Variants in MALRD1 observed in about 807,000 individuals in gnomAD.
The protein encoded by MALRD1 is MAM and LDL-receptor class A domain-containing protein 1.
MALRD1 carries 247 observed loss-of-function variants against 242.1 expected under a neutral mutation model. That is an observed-to-expected ratio of 1.02 (90% CI 0.92 to 1.13). The LOEUF (loss-of-function observed/expected upper bound fraction) is 1.13, where lower values mean the gene tolerates loss of function less well. Among genes scored for constraint, MALRD1 ranks in the 50% most tolerant of loss-of-function variants. MALRD1 has a pLI of 0.00. For synonymous variants in MALRD1, 995 were observed against 866.6 expected (o/e 1.15, Z -2.60); for missense variants, 2,989 against 2,533.1 (o/e 1.18, Z -3.86).
At chr10:19,343,006 CAA>C (rs1179260519) in intron 24 of MALRD1, among the ~76,000 whole-genome samples, 2 of 152,040 alleles carry the variant, frequency 1.3e-5, no homozygotes, top group Non-Finnish European at 2.9e-5. Context: ...TATGAATTTT[CAA>C]AAGGTTGATG....
chr10:19,445,483 A>G (rs1215617468), intron 28 of MALRD1, among the ~76,000 whole-genome samples: 4 of 152,056 alleles, frequency 2.6e-5, no homozygotes, highest in Non-Finnish European at 5.9e-5. Flanking sequence ...TGACATACAG[A>G]TGGGGTTTTG....
intron 29 of MALRD1, among the ~76,000 whole-genome samples, chr10:19,487,288 A>G (rs1474834507): frequency 1.3e-5 from 2 of 152,078 alleles, no homozygotes; most frequent in Non-Finnish European, 2.9e-5. Context: ...CATGCAAAAC[A>G]GTCTTTCATT....
At chr10:19,667,369 T>G (rs757485567) in intron 36 of MALRD1, among the ~76,000 whole-genome samples, 5 of 152,108 alleles carry the variant, frequency 3.3e-5, no homozygotes, top group Non-Finnish European at 5.9e-5. Context: ...ACTGTTCCAG[T>G]GTTTTAGTCC....
chr10:19,097,549 T>C (rs1474578428), intron 4 of MALRD1, among the ~76,000 whole-genome samples: 1 of 152,186 alleles, frequency 6.6e-6, no homozygotes, highest in East Asian at 1.9e-4. Context: ...TAAAACGAAC[T>C]AAACATACAG....
chr10:19,677,919 T>C (rs1411108879), intron 36 of MALRD1, among the ~76,000 whole-genome samples: 1 of 152,198 alleles, frequency 6.6e-6, no homozygotes. Context: ...ATTTATTAAA[T>C]AGGGAATCCT....
chr10:19,531,683 G>A (rs1237795351), intron 32 of MALRD1, among the ~76,000 whole-genome samples: 1 of 152,176 alleles, frequency 6.6e-6, no homozygotes, highest in Non-Finnish European at 1.5e-5. Context: ...AATGTGATGT[G>A]ATGCATAATG....
intron 4 of MALRD1, among the ~76,000 whole-genome samples, chr10:19,102,071 CA>C (rs1203531342): frequency 2.3e-5 from 2 of 88,192 alleles, no homozygotes; most frequent in South Asian, 3.6e-4. Context: ...ATAATTATAA[CA>C]TATATATGGT....
chr10:19,341,962 T>C (rs1387916638), intron 24 of MALRD1, among the ~76,000 whole-genome samples: 2 of 152,066 alleles, frequency 1.3e-5, no homozygotes, highest in Non-Finnish European at 2.9e-5. Flanking sequence ...TGTTCACATC[T>C]TGACTGCCCT....
intron 24 of MALRD1, among the ~76,000 whole-genome samples, chr10:19,340,409 G>A (rs1185532939): frequency 6.6e-6 from 1 of 151,424 alleles, no homozygotes; most frequent in Non-Finnish European, 1.5e-5. Flanking sequence ...GAGCTTAGCA[G>A]GGCTTACTTG....
chr10:19,338,431 C>G (rs896231796), intron 24 of MALRD1, among the ~76,000 whole-genome samples: 1 of 147,280 alleles, frequency 6.8e-6, no homozygotes, highest in Non-Finnish European at 1.5e-5. Context: ...AACATGTAGC[C>G]TTTTCAAATT....
At chr10:19,486,137 C>T (rs2131196122) in intron 29 of MALRD1, among the ~76,000 whole-genome samples, 1 of 152,164 alleles carries the variant, frequency 6.6e-6, no homozygotes, top group East Asian at 1.9e-4. Flanking sequence ...TATTTAAACT[C>T]TTACTATAAT....
At chr10:19,489,961 T>A (rs568555019) in intron 29 of MALRD1, among the ~76,000 whole-genome samples, 1 of 152,340 alleles carries the variant, frequency 6.6e-6, no homozygotes, top group East Asian at 1.9e-4. Flanking sequence ...ATATGTAGCA[T>A]ACATGCTATT....
chr10:19,447,918 G>C, intron 28 of MALRD1, among the ~76,000 whole-genome samples: 1 of 152,140 alleles, frequency 6.6e-6, no homozygotes, highest in East Asian at 1.9e-4. Context: ...GAAGTTACAT[G>C]AATCTGTGGG....
At chr10:19,087,589 A>G (rs762097860) in intron 2 of MALRD1, among the ~76,000 whole-genome samples, 6 of 150,960 alleles carry the variant, frequency 4.0e-5, no homozygotes, top group Admixed American at 2.6e-4. Flanking sequence ...GTAGATGTGT[A>G]TATCTATGGG....
chr10:19,114,496 G>A (rs1186128133), intron 5 of MALRD1, among the ~76,000 whole-genome samples: 1 of 152,108 alleles, frequency 6.6e-6, no homozygotes, highest in Non-Finnish European at 1.5e-5. Context: ...AATTAGCTGG[G>A]CATGATGGCG....
chr10:19,057,150 CA>C (rs1834693214), intron 1 of MALRD1, among the ~76,000 whole-genome samples: 1 of 152,174 alleles, frequency 6.6e-6, no homozygotes, highest in Non-Finnish European at 1.5e-5. Flanking sequence ...TAAGTGCCCC[CA>C]TCTGGCTTTA....
At chr10:19,203,665 G>C in intron 14 of MALRD1, 63 bp from the exon 15 acceptor site, 1 of 1,437,526 alleles carries the variant, frequency 7.0e-7, no homozygotes, top group South Asian at 1.5e-5. Context: ...TTTGAGCTCT[G>C]CCTTTTCAAA....
At chr10:19,227,919 C>T (rs1837870662) in intron 18 of MALRD1, among the ~76,000 whole-genome samples, 1 of 152,118 alleles carries the variant, frequency 6.6e-6, no homozygotes, top group Non-Finnish European at 1.5e-5. Flanking sequence ...ATTGAGATAC[C>T]ACTGTACACC....
At chr10:19,311,145 A>G (rs1842408452) in intron 21 of MALRD1, among the ~76,000 whole-genome samples, 1 of 151,468 alleles carries the variant, frequency 6.6e-6, no homozygotes, top group Non-Finnish European at 1.5e-5. Context: ...TTCAGATAAA[A>G]TTAGTTCTCT....
Sources: gnomAD v4.1 joint callset for allele counts (sites outside exome capture counted in the v4.1 genomes callset) on GRCh38, gnomAD v4.1.1 for gene constraint, MANE v1.5 for transcripts, NCBI Gene and HGNC (gene_info 2026-07-23, HGNC 2026-07-21) for gene names.